Variants in EVL observed in about 807,000 individuals in gnomAD.
EVL encodes the protein ena/VASP-like protein.
EVL carries 21 observed loss-of-function variants against 59.6 expected under a neutral mutation model. The ratio of observed to expected loss-of-function variants is 0.35; its 90% CI spans 0.25 to 0.51. EVL has a LOEUF of 0.51. EVL is among the 20% of genes least tolerant of loss of function. The pLI is 0.97. For missense variants in EVL, 462 were observed against 546.6 expected (o/e 0.85, Z 1.54); for synonymous variants, 198 against 203.5 (o/e 0.97, Z 0.23).
At chr14:100,046,488 G>A (rs1481072318) in intron 1 of EVL, among the ~76,000 whole-genome samples, 1 of 151,978 alleles carries the variant, frequency 6.6e-6, no homozygotes, top group African/African-American at 2.4e-5. Context: ...CTGACATGGC[G>A]AAACCCTCTC....
intron 1 of EVL, among the ~76,000 whole-genome samples, chr14:100,060,035 A>G (rs895773964): frequency 1.3e-5 from 2 of 152,254 alleles, no homozygotes; most frequent in Non-Finnish European, 1.5e-5. Context: ...CGAGCAGGCA[A>G]GTTCTTCAAA....
chr14:100,118,684 C>T (rs994095898), intron 3 of EVL, among the ~76,000 whole-genome samples: 2 of 152,202 alleles, frequency 1.3e-5, no homozygotes, highest in Non-Finnish European at 2.9e-5. Context: ...CTGTCAGCTC[C>T]TGTCCCCTGT....
At chr14:100,072,904 A>G (rs72711924) in intron 1 of EVL, among the ~76,000 whole-genome samples, 2,707 of 152,330 alleles carry the variant, frequency 0.018, 33 homozygotes, top group Non-Finnish European at 0.027. Context: ...GCGGAGCGTC[A>G]GGTTGCTGTC....
intron 2 of EVL, chr14:100,096,801 C>T (rs1397344006): frequency 2.6e-5 from 4 of 152,238 alleles, no homozygotes; most frequent in Admixed American, 6.5e-5. Context: ...TGGATTCTGT[C>T]GTCTCTGTAT....
chr14:100,080,886 A>T (rs1424497213), intron 1 of EVL, among the ~76,000 whole-genome samples: 1 of 152,258 alleles, frequency 6.6e-6, no homozygotes, highest in Non-Finnish European at 1.5e-5. Flanking sequence ...CCTCATGGGA[A>T]CCATTTAGTA....
intron 1 of EVL, among the ~76,000 whole-genome samples, chr14:100,026,515 T>C (rs2061215824): frequency 1.3e-5 from 2 of 152,116 alleles, no homozygotes; most frequent in South Asian, 4.1e-4. Flanking sequence ...TCAGAGCTTG[T>C]CGTGGTGCCT....
intron 3 of EVL, among the ~76,000 whole-genome samples, chr14:100,113,658 G>T (rs1237363688): frequency 6.6e-6 from 1 of 152,136 alleles, no homozygotes; most frequent in Non-Finnish European, 1.5e-5. Flanking sequence ...GGTGGAGGGG[G>T]GATTCCTTTG....
intron 2 of EVL, among the ~76,000 whole-genome samples, chr14:100,093,405 C>T (rs750054927): frequency 2.4e-4 from 37 of 152,014 alleles, no homozygotes; most frequent in Non-Finnish European, 4.3e-4. Flanking sequence ...AAAGTAATAA[C>T]GCCAGGGTTT....
chr14:100,006,155 A>G (rs2060979971), intron 1 of EVL, among the ~76,000 whole-genome samples: 1 of 152,200 alleles, frequency 6.6e-6, no homozygotes, highest in African/African-American at 2.4e-5. Context: ...CCAATGGGAA[A>G]AAGACCAAAA....
At chr14:100,119,341 G>T (rs1294394585) in intron 3 of EVL, among the ~76,000 whole-genome samples, 1 of 152,210 alleles carries the variant, frequency 6.6e-6, no homozygotes, top group Non-Finnish European at 1.5e-5. Flanking sequence ...AATGGGCCAG[G>T]CCCCTGCCTC....
chr14:100,024,312 A>G (rs1443066352), intron 1 of EVL, among the ~76,000 whole-genome samples: 2 of 152,208 alleles, frequency 1.3e-5, no homozygotes, highest in Non-Finnish European at 2.9e-5. Flanking sequence ...GAAGACTTGA[A>G]GATGGCAAGG....
At chr14:99,991,765 AG>A in intron 1 of EVL, among the ~76,000 whole-genome samples, 1 of 152,354 alleles carries the variant, frequency 6.6e-6, no homozygotes, top group East Asian at 1.9e-4. Context: ...TTAAGAATAC[AG>A]TATATATAAT....
chr14:100,066,789 A>G (rs2061938836), intron 1 of EVL, among the ~76,000 whole-genome samples: 1 of 152,246 alleles, frequency 6.6e-6, no homozygotes, highest in Non-Finnish European at 1.5e-5. Flanking sequence ...TCAATTTTAA[A>G]ATCGTAGAAA....
Position 100,130,003 on chromosome 14 carries a change from C to T in EVL, c.839+319C>T, listed in dbSNP as rs1240100259. ...AGATAAATGCGGGAAAAAGAACAGT[C>T]CTTGCTCTTAAGATCCTAACAGAAA... On this transcript the variant is annotated intron_variant, in intron 7 of 13. Coordinates refer to ENST00000392920, the MANE Select transcript of EVL (RefSeq NM_016337.3). This position sits in a 1 kb window ranked among gnomAD's most constrained non-coding sequence, Gnocchi z 4.8. Among the ~76,000 whole-genome samples the T allele has an allele frequency of 6.6e-6, 1 of 152,210 alleles. No individual in the cohort carries two copies. Among genetic ancestry groups the T allele is most frequent in the Non-Finnish European group, 1.5e-5 (1 of 68,038 alleles).
intron 1 of EVL, among the ~76,000 whole-genome samples, chr14:99,973,317 C>G (rs2140164490): frequency 6.6e-6 from 1 of 152,314 alleles, no homozygotes; most frequent in Non-Finnish European, 1.5e-5. Context: ...TAAATTTTAA[C>G]CATTCTGGTG....
chr14:99,993,840 C>T (rs1172815731), intron 1 of EVL, among the ~76,000 whole-genome samples: 10 of 151,200 alleles, frequency 6.6e-5, no homozygotes, highest in African/African-American at 2.4e-4. Context: ...TACAGGTGCC[C>T]GCCACCATGC....
chr14:100,124,892 A>G (rs1208623965), intron 4 of EVL, among the ~76,000 whole-genome samples: 1 of 152,190 alleles, frequency 6.6e-6, no homozygotes, highest in Non-Finnish European at 1.5e-5. Context: ...GGGGACACAC[A>G]CACAAGCACA....
chr14:100,059,237 A>G lies in EVL; in HGVS notation c.6-25450A>G, dbSNP rs112205138. Among the ~76,000 whole-genome samples the G allele has an allele frequency of 7.9e-5, 12 of 152,364 alleles. 1 individual carries two copies. The highest frequency in any genetic ancestry group is 2.9e-4 in the African/African-American group (12 of 41,590). On this transcript the variant is annotated intron_variant, in intron 1 of 13. Coordinates refer to the EVL transcript ENST00000402714. ...CCTGCCATTTTCAGACATTGGACAG[A>G]TAAGATAGGACTTTGATTCTTGAGA...
chr14:99,985,644 G>C (rs1007276353), intron 1 of EVL, among the ~76,000 whole-genome samples: 2 of 152,202 alleles, frequency 1.3e-5, no homozygotes. Context: ...GTGCATGCCT[G>C]TAATCCCAGC....
Sources: allele counts gnomAD v4.1 joint callset (sites outside exome capture counted in the v4.1 genomes callset), GRCh38; gene constraint gnomAD v4.1.1; non-coding constraint Gnocchi (gnomAD v3.1); transcripts MANE v1.5; gene names NCBI Gene and HGNC (gene_info 2026-07-23, HGNC 2026-07-21).